The following DMD variants were observed in gnomAD, a reference collection of about 807,000 sequenced individuals.
DMD encodes dystrophin, also known as mutant dystrophin.
A neutral mutation model predicts 330.1 loss-of-function variants in DMD; 63 were observed. That is an observed-to-expected ratio of 0.19 (90% CI 0.16 to 0.24). The LOEUF is 0.24. DMD is among the 10% of genes least tolerant of loss of function. The pLI, the probability that DMD is intolerant of heterozygous loss-of-function variation, is 1.00. For missense variants in DMD, 3,344 were observed against 2,684.1 expected (o/e 1.25, Z -5.43); for synonymous variants, 1,223 against 959.8 (o/e 1.27, Z -5.07).
At position 33,083,042 on chromosome X, in the gene DMD, A is replaced by AAG. The variant is rs759997903; in HGVS notation, c.32-62844_32-62843dup. ...AGTTTACTATTTAACAATGCAGAGA[A>AAG]AGAGAGAGAGAGAGAGAGAGACCAG... On this transcript the variant is annotated intron_variant, in intron 1 of 78. Transcript: ENST00000357033. 2.1e-3 allele frequency among the ~76,000 whole-genome samples: 223 copies of AAG among 108,111 alleles called. 1 individual carries two copies. The highest frequency in any genetic ancestry group is 5.4e-3 in the African/African-American group (158 of 29,410). 93.9% of individuals were successfully genotyped at this position (108,111 alleles called of 115,157 possible). A position where few individuals can be genotyped will look rare whatever the true frequency, so the allele number is the denominator to read the frequency against.
chrX:32,794,778 T>A (rs1315891039), intron 7 of DMD, among the ~76,000 whole-genome samples: 2 of 111,581 alleles, frequency 1.8e-5, no homozygotes, highest in African/African-American at 3.3e-5. Flanking sequence ...AGCTAAACCC[T>A]CACCAGAAAG....
rs191108211 is a variant in DMD at position 32,857,862 on chromosome X, G to T, written c.94-8042C>A. Among the ~76,000 whole-genome samples the T allele has an allele frequency of 2.2e-3, 241 of 111,205 alleles. 1 individual carries two copies. Among genetic ancestry groups the T allele is most frequent in the African/African-American group, 7.6e-3 (233 of 30,553 alleles). On this transcript the variant is annotated intron_variant, in intron 2 of 78. Coordinates refer to ENST00000357033, the MANE Select transcript of DMD (RefSeq NM_004006.3). ...AAACGCAGACAGAATCTTGCTTTGT[G>T]GGCCAAACTTAAATACATAGACCAA... is the stretch of plus-strand genomic sequence containing the variant.
intron 7 of DMD, among the ~76,000 whole-genome samples, chrX:32,768,257 C>T (rs186082604): frequency 1.6e-4 from 18 of 111,959 alleles, no homozygotes; most frequent in Admixed American, 1.2e-3. Flanking sequence ...ATTAGATTTC[C>T]GTCAGATGCT....
chrX:31,155,968 C>A (rs1001629274), intron 74 of DMD, among the ~76,000 whole-genome samples: 4 of 110,130 alleles, frequency 3.6e-5, no homozygotes, highest in African/African-American at 1.3e-4. Flanking sequence ...GCACTCCAAG[C>A]TGGGTAACAG....
intron 44 of DMD, among the ~76,000 whole-genome samples, chrX:32,082,391 GCTATCTATCTATCTAT>G (rs74475298): frequency 0.015 from 1,401 of 95,317 alleles, 17 homozygotes; most frequent in South Asian, 0.049. Flanking sequence ...ACCTCGCCCG[GCTATCTATCTATCTAT>G]CTATCTATCT....
intron 2 of DMD, among the ~76,000 whole-genome samples, chrX:32,939,899 A>T (rs1443045771): frequency 9.0e-6 from 1 of 111,506 alleles, no homozygotes; most frequent in African/African-American, 3.3e-5. Flanking sequence ...AAATAGAAAA[A>T]CTTTCCATAC....
chrX:31,428,856 C>T (rs1024368363), intron 60 of DMD, among the ~76,000 whole-genome samples: 13 of 112,397 alleles, frequency 1.2e-4, no homozygotes, highest in Admixed American at 1.9e-4. Context: ...GGAGTGGTGG[C>T]TCATGCCTGT....
At chrX:32,606,265 G>A (rs1340763373) in intron 12 of DMD, among the ~76,000 whole-genome samples, 2 of 109,241 alleles carry the variant, frequency 1.8e-5, no homozygotes, top group Non-Finnish European at 3.9e-5. Flanking sequence ...CCACAAATAA[G>A]TCAGAACATA....
At chrX:32,786,086 A>AGTGTGTGTGTGTGTGTGTGTGTGTGTGT (rs368269067) in intron 7 of DMD, among the ~76,000 whole-genome samples, 1 of 96,548 alleles carries the variant, frequency 1.0e-5, no homozygotes, top group African/African-American at 3.9e-5. Flanking sequence ...GAGGAATAAG[A>AGTGTGTGTGTGTGTGTGTGTGTGTGTGT]GTGTGTGTGT....
chrX:32,928,397 T>C (rs1218569182), intron 2 of DMD, among the ~76,000 whole-genome samples: 1 of 110,964 alleles, frequency 9.0e-6, no homozygotes, highest in Non-Finnish European at 1.9e-5. Context: ...TTGTTTATAT[T>C]TTTCCCCTTG....
chrX:31,349,270 C>A (rs1388961078), intron 60 of DMD, among the ~76,000 whole-genome samples: 1 of 111,961 alleles, frequency 8.9e-6, no homozygotes, highest in African/African-American at 3.3e-5. Context: ...GGTGAAAACC[C>A]GTCTCTACTA....
chrX:31,321,583 C>CAAAAAAAAA (rs1190446358), intron 62 of DMD, among the ~76,000 whole-genome samples: 141 of 10,461 alleles, frequency 0.013, 5 homozygotes, highest in East Asian at 0.028. Context: ...AACTCCATCT[C>CAAAAAAAAA]AAAAAAAAAA....
At chrX:31,328,700 T>G (rs2056931204) in intron 61 of DMD, among the ~76,000 whole-genome samples, 1 of 110,482 alleles carries the variant, frequency 9.1e-6, no homozygotes, top group African/African-American at 3.4e-5. Flanking sequence ...AATAATGATA[T>G]CTCCCTCACC....
At chrX:33,216,883 G>A (rs1035797094) in intron 1 of DMD, among the ~76,000 whole-genome samples, 1 of 111,095 alleles carries the variant, frequency 9.0e-6, no homozygotes, top group East Asian at 2.8e-4. Context: ...AAGTGAACAA[G>A]GAGTTAATTC....
At chrX:32,727,886 T>G (rs2067075036) in intron 7 of DMD, among the ~76,000 whole-genome samples, 1 of 111,786 alleles carries the variant, frequency 8.9e-6, no homozygotes, top group South Asian at 3.6e-4. Flanking sequence ...TGATCATACT[T>G]TTGTTTTTAA....
intron 1 of DMD, among the ~76,000 whole-genome samples, chrX:33,090,726 C>T (rs1217714838): frequency 1.8e-5 from 2 of 110,445 alleles, no homozygotes. Context: ...AAACATCATA[C>T]ATATACTGTA....
chrX:32,264,968 G>A (rs1406924064), intron 43 of DMD, among the ~76,000 whole-genome samples: 1 of 112,392 alleles, frequency 8.9e-6, no homozygotes, highest in East Asian at 2.8e-4. Context: ...GCAGCCTGAA[G>A]ATGCAATAGA....
chrX:31,480,550 ATGTTTGTGTG>A (rs2068185494), intron 57 of DMD, among the ~76,000 whole-genome samples: 1 of 76,714 alleles, frequency 1.3e-5, no homozygotes, highest in Non-Finnish European at 2.6e-5. Flanking sequence ...TGAAATCTCC[ATGTTTGTGTG>A]TGTGTGTGTG....
chrX:33,071,669 T>C (rs1368843907), intron 1 of DMD, among the ~76,000 whole-genome samples: 1 of 111,575 alleles, frequency 9.0e-6, no homozygotes. Context: ...CTTCATATTA[T>C]CTTATTTCAA....
Sources: allele counts gnomAD v4.1 joint callset (sites outside exome capture counted in the v4.1 genomes callset), GRCh38; gene constraint gnomAD v4.1.1; transcripts MANE v1.5; gene names NCBI Gene and HGNC (gene_info 2026-07-23, HGNC 2026-07-21).